The following ARHGAP29 variants were observed in gnomAD, a reference collection of about 807,000 sequenced individuals.
ARHGAP29 encodes the protein Rho GTPase activating protein 29, also known as rho GTPase-activating protein 29.
In ARHGAP29, 43 loss-of-function variants were observed where a neutral mutation model predicts 122.6. The observed-to-expected ratio is 0.35, with a 90% CI of 0.27 to 0.45. The LOEUF is 0.45. ARHGAP29 is among the 20% of genes least tolerant of loss of function. The pLI is 1.00. For missense variants in ARHGAP29, 1,303 were observed against 1,477.2 expected, an observed-to-expected ratio of 0.88 and a Z score of 1.93; for synonymous variants, 506 against 497.1, an observed-to-expected ratio of 1.02 and a Z score of -0.24.
In ARHGAP29 at chr1:94,177,868, A is replaced by T. The variant is rs531564843; in HGVS notation, c.2780T>A (p.Phe927Tyr). ...CAAACTCACTTCCTTTGAAGAAAAAAATAGTGACTTCATGGAACGTTCAAT... is the reference window on the plus strand; with the variant it reads ...CAAACTCACTTCCTTTGAAGAAAAATATAGTGACTTCATGGAACGTTCAAT... ...RDIERSMKSLFFSSKEDIHTS... is the reference protein window; with the variant it reads ...RDIERSMKSLYFSSKEDIHTS... Residue 927 changes from phenylalanine to tyrosine, a missense_variant, in exon 21 of 23, where the codon TTT becomes TAT. Physicochemically the swap from Phe to Tyr is conservative, Grantham distance 22. Around this residue, in one of 3 missense-constraint regions of ARHGAP29, gnomAD observed 620 missense variants for 651.2 expected, o/e 0.95. Coordinates refer to ENST00000260526, the MANE Select transcript of ARHGAP29 (RefSeq NM_004815.4). The T allele has an allele frequency of 5.6e-6, 9 of 1,607,978 alleles. No individual in the cohort carries two copies. The highest frequency in any genetic ancestry group is 4.0e-5 in the African/African-American group (3 of 74,540).
At chr1:94,311,776 C>G in the ARHGAP29 span, among the ~76,000 whole-genome samples, 12,362 of 152,218 alleles carry the variant, frequency 0.081, 1,535 homozygotes, top group African/African-American at 0.27. Flanking sequence ...CATAGTAAGA[C>G]AGCTTCCGCA....
intron 1 of ARHGAP29, 58 bp downstream of exon 1, chr1:94,237,357 C>A: frequency 3.1e-6 from 3 of 977,568 alleles, no homozygotes; most frequent in Non-Finnish European, 3.6e-6. Flanking sequence ...GCGCGGGCAA[C>A]CCCAGCCCGG....
chr1:94,177,368 G>A (rs895455590), intron 22 of ARHGAP29: 10 of 326,944 alleles, frequency 3.1e-5, no homozygotes, highest in African/African-American at 1.9e-4. Context: ...AATTCAGAAG[G>A]AACACAAAAA....
chr1:94,199,730 G>A (rs959826223), intron 12 of ARHGAP29, among the ~76,000 whole-genome samples: 10 of 152,302 alleles, frequency 6.6e-5, no homozygotes, highest in African/African-American at 2.4e-4. Flanking sequence ...TGCCTTTCCT[G>A]AGGAAACCCC....
chr1:94,264,232 G>C (rs1469198998), intron 1 of ARHGAP29, among the ~76,000 whole-genome samples: 2 of 152,136 alleles, frequency 1.3e-5, no homozygotes, highest in Non-Finnish European at 2.9e-5. Context: ...CCATGATTTA[G>C]CACAATTCTC....
rs530295333 is a variant in ARHGAP29 at position 94,256,536 on chromosome 1, CTTTTTTTTTTTTTTTTTTTTTT to C, written c.-33+18454_-33+18475del. On this transcript the variant is annotated intron_variant and NMD_transcript_variant, in intron 1 of 25. Transcript: ENST00000552844. ...CAGAAATAGATTTAACAGTACTAAT[CTTTTTTTTTTTTTTTTTTTTTT>C]TTTTTTTTTTTTTTTTTGAGACAGA... is the stretch of plus-strand genomic sequence containing the variant. Among the ~76,000 whole-genome samples the C allele has an allele frequency of 3.5e-4, 16 of 45,334 alleles. No individual in the cohort carries two copies. The South Asian group carries it at 5.4e-3, about 15-fold the overall frequency. 29.7% of individuals were successfully genotyped at this position (45,334 alleles called of 152,430 possible).
At chr1:94,197,096 TA>T (rs1388301989) in intron 12 of ARHGAP29, among the ~76,000 whole-genome samples, 1 of 151,650 alleles carries the variant, frequency 6.6e-6, no homozygotes, top group Non-Finnish European at 1.5e-5. Context: ...AAAAAGATAA[TA>T]AGACTTATAA....
Position 94,177,603 on chromosome 1 carries a change from G to T in ARHGAP29, c.2905+9C>A. On this transcript the variant is annotated intron_variant, in intron 22 of 22. Transcript: ENST00000260526. ...AGCAAACATATTTTTTTTTTACATG[G>T]CTACTCACCACTGAGACATGCATCA... 3.8e-6 allele frequency: 6 copies of T among 1,572,074 alleles called. No individual in the cohort carries two copies. In the Admixed American group the frequency reaches 5.6e-5, roughly 15 times the overall value.
the ARHGAP29 span, among the ~76,000 whole-genome samples, chr1:94,287,542 T>C: frequency 6.6e-6 from 1 of 152,088 alleles, no homozygotes; most frequent in African/African-American, 2.4e-5. Context: ...CTAGGATACA[T>C]GTGCACAACT....
chr1:94,258,552 G>A (rs1654447962), intron 1 of ARHGAP29, among the ~76,000 whole-genome samples: 1 of 152,180 alleles, frequency 6.6e-6, no homozygotes, highest in African/African-American at 2.4e-5. Flanking sequence ...TGTTGAGAGA[G>A]GGTCTTAGGG....
Position 94,173,718 on chromosome 1 carries a change from C to G in ARHGAP29, c.*151G>C, listed in dbSNP as rs1648894806. ...CAAAACATTCTACCATTCAGTATTA[C>G]CAACAGAGGATAAATACAACAACAA... On this transcript the variant is annotated 3_prime_UTR_variant, in exon 23 of 23. Transcript: ENST00000260526. The G allele has an allele frequency of 3.4e-6, 3 of 883,318 alleles. No individual in the cohort carries two copies. In the South Asian group the frequency reaches 5.5e-5, roughly 16 times the overall value. The allele number at this position is 883,318 out of a possible 1,614,324, so 54.7% of individuals were successfully genotyped here.
chr1:94,242,884 C>T (rs1041725934), intron 1 of ARHGAP29, among the ~76,000 whole-genome samples: 10 of 151,904 alleles, frequency 6.6e-5, no homozygotes, highest in Admixed American at 5.9e-4. Context: ...ACACACCATG[C>T]AAATATTAAT....
Position 94,205,703 on chromosome 1 carries a change from T to TA in ARHGAP29, c.511-21dup. The TA allele has an allele frequency of 6.2e-7, 1 of 1,606,982 alleles. No individual in the cohort carries two copies. Among genetic ancestry groups the TA allele is most frequent in the Non-Finnish European group, 8.5e-7 (1 of 1,176,426 alleles). On this transcript the variant is annotated intron_variant, in intron 5 of 22. Coordinates refer to ENST00000260526, the MANE Select transcript of ARHGAP29 (RefSeq NM_004815.4). ...AAACGACTTACAACATGGAAAAAGATAAATTTAAAATTAGAGAAGAACACA... is the reference window on the plus strand; with the variant it reads ...AAACGACTTACAACATGGAAAAAGATAAAATTTAAAATTAGAGAAGAACACA...
At chr1:94,313,894 G>A in the ARHGAP29 span, among the ~76,000 whole-genome samples, 9 of 152,172 alleles carry the variant, frequency 5.9e-5, no homozygotes, top group Admixed American at 3.3e-4. Flanking sequence ...CAAACACTAC[G>A]TGTTCTCACT....
chr1:94,285,849 T>C, the ARHGAP29 span, among the ~76,000 whole-genome samples: 1 of 130,202 alleles, frequency 7.7e-6, no homozygotes, highest in Non-Finnish European at 1.5e-5. Flanking sequence ...TACTCCAGCC[T>C]GATGACAGAG....
intron 2 of ARHGAP29, among the ~76,000 whole-genome samples, chr1:94,228,105 GCTCT>G (rs201219522): frequency 2.0e-5 from 3 of 151,756 alleles, no homozygotes; most frequent in Non-Finnish European, 3.0e-5. Context: ...TCCACATTAA[GCTCT>G]CTATTTTAAT....
At chr1:94,279,728 G>A (rs913221916), upstream of ARHGAP29, among the ~76,000 whole-genome samples, 7 of 152,084 alleles carry the variant, frequency 4.6e-5, no homozygotes, top group African/African-American at 1.7e-4. Context: ...TCCTTGGGCC[G>A]CACCTCTACA....
intron 22 of ARHGAP29, among the ~76,000 whole-genome samples, chr1:94,175,536 C>G (rs898636586): frequency 6.6e-6 from 1 of 152,172 alleles, no homozygotes; most frequent in Non-Finnish European, 1.5e-5. Context: ...CCAAGCACAG[C>G]ATGCAATCCT....
chr1:94,262,409 A>C (rs1227895496), intron 1 of ARHGAP29, among the ~76,000 whole-genome samples: 1 of 151,780 alleles, frequency 6.6e-6, no homozygotes, highest in Non-Finnish European at 1.5e-5. Context: ...TGACAAATGG[A>C]AATTAAACTA....
Sources: gnomAD v4.1 joint callset for allele counts (sites outside exome capture counted in the v4.1 genomes callset) on GRCh38, gnomAD v4.1.1 for gene constraint, gnomAD v4.1.1 regional missense constraint, MANE v1.5 for transcripts, NCBI Gene and HGNC (gene_info 2026-07-23, HGNC 2026-07-21) for gene names.